Variants in IGFBP7 observed in about 807,000 individuals in gnomAD.
IGFBP7 encodes insulin-like growth factor-binding protein 7.
A neutral mutation model predicts 29.4 loss-of-function variants in IGFBP7; 31 were observed. The observed-to-expected ratio is 1.05, with a 90% CI of 0.79 to 1.42. The LOEUF (loss-of-function observed/expected upper bound fraction) is 1.42. Among genes scored for constraint, IGFBP7 ranks in the 40% most tolerant of loss-of-function variants. The probability of loss-of-function intolerance (pLI) is 0.00; values close to 1 mark genes in which losing one functional copy is unlikely to be tolerated. For missense variants in IGFBP7, 393 were observed against 395.5 expected (o/e 0.99, Z 0.05); for synonymous variants, 172 against 174.9 (o/e 0.98, Z 0.13).
At chr4:57,042,929 C>G (rs983876174) in intron 1 of IGFBP7, among the ~76,000 whole-genome samples, 16 of 152,186 alleles carry the variant, frequency 1.1e-4, no homozygotes, top group Admixed American at 9.2e-4. Flanking sequence ...GACTTCAATC[C>G]TTTACACATT....
chr4:57,049,534 T>C (rs546800055), intron 1 of IGFBP7, among the ~76,000 whole-genome samples: 1 of 152,292 alleles, frequency 6.6e-6, no homozygotes, highest in African/African-American at 2.4e-5. Flanking sequence ...TTCCCTCCTC[T>C]TATTTCTTAT....
At chr4:57,102,987 C>A (rs1309875045) in intron 1 of IGFBP7, among the ~76,000 whole-genome samples, 1 of 152,090 alleles carries the variant, frequency 6.6e-6, no homozygotes, top group East Asian at 1.9e-4. Context: ...AATTTGGAGG[C>A]AGGACTGGCT....
intron 1 of IGFBP7, among the ~76,000 whole-genome samples, chr4:57,061,333 A>G (rs1006644892): frequency 6.6e-6 from 1 of 152,230 alleles, no homozygotes; most frequent in Non-Finnish European, 1.5e-5. Flanking sequence ...TCCTATATAT[A>G]CATACCTCTG....
chr4:57,067,871 A>G (rs892286578), intron 1 of IGFBP7, among the ~76,000 whole-genome samples: 7 of 152,226 alleles, frequency 4.6e-5, no homozygotes, highest in African/African-American at 7.2e-5. Context: ...CTTGTTTTTC[A>G]TAAAAAACAA....
At chr4:57,101,448 C>T (rs1425258158) in intron 1 of IGFBP7, among the ~76,000 whole-genome samples, 1 of 152,164 alleles carries the variant, frequency 6.6e-6, no homozygotes, top group Non-Finnish European at 1.5e-5. Context: ...CGGGACTGCT[C>T]CTCTCCCTGG....
At chr4:57,079,400 C>T (rs1248198888) in intron 1 of IGFBP7, among the ~76,000 whole-genome samples, 1 of 151,420 alleles carries the variant, frequency 6.6e-6, no homozygotes, top group East Asian at 1.9e-4. Context: ...GTTGAACAGC[C>T]ATGGGAAAAA....
intron 1 of IGFBP7, among the ~76,000 whole-genome samples, chr4:57,048,379 A>G (rs1238554305): frequency 2.0e-5 from 3 of 152,206 alleles, no homozygotes; most frequent in African/African-American, 7.2e-5. Context: ...AGTTCTAGAC[A>G]AAGGACTCAC....
At position 57,110,080 on chromosome 4, in the gene IGFBP7, C is replaced by A. The variant is rs866329431; in HGVS notation, c.272G>T (p.Arg91Leu). 1.9e-6 allele frequency: 3 copies of A among 1,554,002 alleles called. No individual in the cohort carries two copies. The highest frequency in any genetic ancestry group is 2.6e-6 in the Non-Finnish European group (3 of 1,155,890). ...CAPGMECVKS[R>L]KRRKGKAGAA... is the part of the protein sequence containing the mutation. The stretch of plus-strand genomic sequence containing the variant: ...CCCGGCTTTACCCTTCCGCCTCTTG[C>A]GGCTCTTCACGCACTCCATGCCCGG... Residue 91 changes from arginine (R) to leucine (L), a missense_variant, in exon 1 of 5, where the codon CGC becomes CTC. Physicochemically the swap from Arg to Leu is moderately radical, Grantham distance 102. Coordinates refer to ENST00000295666, the MANE Select transcript of IGFBP7 (RefSeq NM_001553.3).
intron 1 of IGFBP7, among the ~76,000 whole-genome samples, chr4:57,096,666 G>A (rs1001938496): frequency 4.4e-4 from 67 of 152,134 alleles, no homozygotes; most frequent in African/African-American, 1.6e-3. Context: ...GATTGCTGGC[G>A]ATGGTGGATC....
intron 1 of IGFBP7, among the ~76,000 whole-genome samples, chr4:57,068,165 C>CT (rs1724964760): frequency 6.6e-6 from 1 of 151,606 alleles, no homozygotes; most frequent in South Asian, 2.1e-4. Context: ...ATGTGCATGC[C>CT]TATAGTCCTA....
Position 57,066,919 on chromosome 4 carries a change from T to C in IGFBP7, c.476-25986A>G, listed in dbSNP as rs1724933099. 2.0e-5 allele frequency among the ~76,000 whole-genome samples: 3 copies of C among 151,736 alleles called. No individual in the cohort carries two copies. The South Asian group carries it at 6.2e-4, about 31-fold the overall frequency. The stretch of plus-strand genomic sequence containing the variant: ...AATAATACAACATCTTTGAACTTTC[T>C]CCATCATCAGCTAGAGTTCTTTCTT... On this transcript the variant is annotated intron_variant, in intron 1 of 4. Coordinates refer to ENST00000295666, the MANE Select transcript of IGFBP7 (RefSeq NM_001553.3).
chr4:57,102,422 T>A (rs939360156), intron 1 of IGFBP7, among the ~76,000 whole-genome samples: 7 of 152,034 alleles, frequency 4.6e-5, no homozygotes, highest in Admixed American at 4.6e-4. Context: ...CCCCTCCCCC[T>A]CAAGTTATTT....
chr4:57,108,960 A>C (rs1451801421), intron 1 of IGFBP7, among the ~76,000 whole-genome samples: 1 of 152,214 alleles, frequency 6.6e-6, no homozygotes, highest in Non-Finnish European at 1.5e-5. Context: ...CAAATTATGC[A>C]AAACAATACA....
intron 2 of IGFBP7, 119 bp downstream of exon 2, chr4:57,040,705 T>C (rs1174763278): frequency 2.6e-6 from 2 of 770,480 alleles, no homozygotes; most frequent in African/African-American, 3.4e-5. Context: ...GCCCTAAGGC[T>C]TCACCTTGCG....
chr4:57,039,775 T>G (rs1444347074), intron 2 of IGFBP7, among the ~76,000 whole-genome samples: 1 of 149,338 alleles, frequency 6.7e-6, no homozygotes, highest in African/African-American at 2.5e-5. Context: ...CAGGCATGCC[T>G]CACCATGCCC....
At chr4:57,039,388 A>G (rs1008452932) in intron 2 of IGFBP7, among the ~76,000 whole-genome samples, 1 of 152,172 alleles carries the variant, frequency 6.6e-6, no homozygotes, top group Non-Finnish European at 1.5e-5. Context: ...TTTTCAGTCC[A>G]GGGCAATTCC....
chr4:57,056,064 A>G (rs1375639851), intron 1 of IGFBP7, among the ~76,000 whole-genome samples: 1 of 151,630 alleles, frequency 6.6e-6, no homozygotes, highest in Non-Finnish European at 1.5e-5. Flanking sequence ...CTGGCAGACA[A>G]CCCCAGACGT....
At chr4:57,043,984 C>CA (rs1356985542) in intron 1 of IGFBP7, among the ~76,000 whole-genome samples, 9 of 152,324 alleles carry the variant, frequency 5.9e-5, no homozygotes, top group African/African-American at 2.2e-4. Flanking sequence ...TTCTCCTTCC[C>CA]ACACACAGAC....
At chr4:57,106,905 C>T (rs1185104307) in intron 1 of IGFBP7, among the ~76,000 whole-genome samples, 1 of 152,072 alleles carries the variant, frequency 6.6e-6, no homozygotes, top group East Asian at 1.9e-4. Context: ...CTTCAGGGAC[C>T]TCAATACAAT....
Sources: allele counts gnomAD v4.1 joint callset (sites outside exome capture counted in the v4.1 genomes callset), GRCh38; gene constraint gnomAD v4.1.1; transcripts MANE v1.5; gene names NCBI Gene and HGNC (gene_info 2026-07-23, HGNC 2026-07-21).